CNTNAP4: variants seen among roughly 807,000 people sequenced by gnomAD.
CNTNAP4 encodes the protein contactin-associated protein-like 4.
A neutral mutation model predicts 148.4 loss-of-function variants in CNTNAP4; 98 were observed. The observed-to-expected ratio is 0.66, with a 90% CI of 0.56 to 0.78. The LOEUF (loss-of-function observed/expected upper bound fraction) is 0.78. Ranked by LOEUF, CNTNAP4 falls within the 30% of genes least tolerant of loss-of-function variation. CNTNAP4 has a pLI of 0.00. For synonymous variants in CNTNAP4, 730 were observed against 565.1 expected, an observed-to-expected ratio of 1.29 and a Z score of -4.14; for missense variants, 1,935 against 1,565.6, an observed-to-expected ratio of 1.24 and a Z score of -3.98.
intron 21 of CNTNAP4, among the ~76,000 whole-genome samples, chr16:76,541,998 A>G (rs2084480961): frequency 1.3e-5 from 2 of 152,232 alleles, no homozygotes; most frequent in Non-Finnish European, 2.9e-5. Context: ...ATATGTATAT[A>G]GCCAATAACA....
intron 10 of CNTNAP4, among the ~76,000 whole-genome samples, chr16:76,470,750 GTAATACTT>G (rs1480724767): frequency 2.6e-5 from 4 of 151,520 alleles, no homozygotes; most frequent in Middle Eastern, 3.2e-3. Flanking sequence ...AAAAAAAACT[GTAATACTT>G]TAAGTTGGCT....
intron 8 of CNTNAP4, among the ~76,000 whole-genome samples, chr16:76,459,421 C>T (rs201234468): frequency 1.3e-5 from 2 of 149,748 alleles, no homozygotes; most frequent in Admixed American, 6.7e-5. Context: ...TTACACAAAC[C>T]AAACCAGAGT....
At chr16:76,371,387 G>A (rs2144629738) in intron 3 of CNTNAP4, among the ~76,000 whole-genome samples, 1 of 152,270 alleles carries the variant, frequency 6.6e-6, no homozygotes, top group Non-Finnish European at 1.5e-5. Context: ...CCGGATTCAA[G>A]CGACTCTCCT....
At chr16:76,377,354 G>A (rs947658278) in intron 3 of CNTNAP4, among the ~76,000 whole-genome samples, 1 of 152,182 alleles carries the variant, frequency 6.6e-6, no homozygotes. Flanking sequence ...CCATCACAAA[G>A]ATGGAAAGTG....
Position 76,479,677 on chromosome 16 carries a change from T to C in CNTNAP4, c.1882+139T>C, listed in dbSNP as rs2081741221. ...TATTGTTCCTTAGAAAAACTGAACA[T>C]AAATCTTAAAAAAATAATTAAATGG... On this transcript the variant is annotated intron_variant, in intron 12 of 23. Coordinates refer to ENST00000611870, the MANE Select transcript of CNTNAP4 (RefSeq NM_033401.5). The C allele has an allele frequency of 3.7e-6, 3 of 821,454 alleles. No homozygotes were observed. The East Asian group carries it at 9.0e-5, about 25-fold the overall frequency. The allele number at this position is 821,454 out of a possible 1,614,324, so 50.9% of individuals were successfully genotyped here. A position where few individuals can be genotyped will look rare whatever the true frequency, so the allele number is the denominator to read the frequency against.
chr16:76,451,340 G>C (rs1391605229), intron 7 of CNTNAP4, among the ~76,000 whole-genome samples: 1 of 152,134 alleles, frequency 6.6e-6, no homozygotes, highest in African/African-American at 2.4e-5. Context: ...AGCTTTACCA[G>C]TTTGATAATA....
intron 21 of CNTNAP4, among the ~76,000 whole-genome samples, chr16:76,549,616 T>C (rs907365978): frequency 7.9e-5 from 12 of 152,084 alleles, no homozygotes; most frequent in African/African-American, 2.9e-4. Context: ...AAGAGTACTT[T>C]AAGGAGATTC....
chr16:76,329,315 G>C (rs905174255), intron 2 of CNTNAP4, among the ~76,000 whole-genome samples: 13 of 152,206 alleles, frequency 8.5e-5, no homozygotes, highest in African/African-American at 2.9e-4. Context: ...AGCTTGCTTT[G>C]TCTCTCTGGT....
At chr16:76,304,664 T>C (rs185462139) in intron 1 of CNTNAP4, among the ~76,000 whole-genome samples, 1 of 152,324 alleles carries the variant, frequency 6.6e-6, no homozygotes, top group East Asian at 1.9e-4. Context: ...TCTCAGAATG[T>C]GAGGTCTCAT....
chr16:76,553,117 T>C (rs2085030087), intron 21 of CNTNAP4, among the ~76,000 whole-genome samples, 166 bp from the exon 22 acceptor site: 1 of 152,208 alleles, frequency 6.6e-6, no homozygotes, highest in African/African-American at 2.4e-5. Flanking sequence ...ATCTTACCAA[T>C]AGTAGTGGAA....
chr16:76,516,037 C>T (rs371057365), intron 15 of CNTNAP4, among the ~76,000 whole-genome samples: 19 of 152,304 alleles, frequency 1.2e-4, no homozygotes, highest in African/African-American at 4.6e-4. Flanking sequence ...AACCCGTCAT[C>T]TAGGTTTTAA....
At chr16:76,354,361 C>T (rs2012281771) in intron 2 of CNTNAP4, among the ~76,000 whole-genome samples, 1 of 152,180 alleles carries the variant, frequency 6.6e-6, no homozygotes, top group Non-Finnish European at 1.5e-5. Flanking sequence ...TCAAATATAA[C>T]ACAGTAAATT....
intron 2 of CNTNAP4, among the ~76,000 whole-genome samples, chr16:76,334,698 A>C (rs74869111): frequency 0.011 from 1,702 of 152,240 alleles, 30 homozygotes; most frequent in African/African-American, 0.039. Flanking sequence ...ACAGTATGCT[A>C]TTTGCAAAAT....
chr16:76,527,735 A>G (rs1333419447), intron 17 of CNTNAP4, among the ~76,000 whole-genome samples: 1 of 152,194 alleles, frequency 6.6e-6, no homozygotes, highest in Non-Finnish European at 1.5e-5. Context: ...TAAATATAGT[A>G]GATTTGTCAC....
intron 2 of CNTNAP4, among the ~76,000 whole-genome samples, chr16:76,338,601 C>T (rs1964210729): frequency 6.6e-6 from 1 of 152,128 alleles, no homozygotes; most frequent in African/African-American, 2.4e-5. Flanking sequence ...GTGCTCATTC[C>T]ATTTCAGTCC....
At position 76,560,483 on chromosome 16, in the gene CNTNAP4, G is replaced by A. The variant is rs1413456437; in HGVS notation, c.*1800G>A. Reference sequence around the variant, plus strand: ...CAAGGGAAGGATTTAACATAGAAATGGCATTATTTATTCGATGCAAAGCTG... The same window carrying A: ...CAAGGGAAGGATTTAACATAGAAATAGCATTATTTATTCGATGCAAAGCTG... On this transcript the variant is annotated 3_prime_UTR_variant, in exon 24 of 24. Coordinates refer to ENST00000611870, the MANE Select transcript of CNTNAP4 (RefSeq NM_033401.5). Among the ~76,000 whole-genome samples the A allele has an allele frequency of 6.6e-6, 1 of 152,122 alleles. No individual in the cohort carries two copies. Among genetic ancestry groups the A allele is most frequent in the East Asian group, 1.9e-4 (1 of 5,198 alleles).
chr16:76,461,843 A>G (rs934564254), intron 8 of CNTNAP4, 113 bp from the exon 9 acceptor site: 3 of 788,770 alleles, frequency 3.8e-6, no homozygotes, highest in Non-Finnish European at 6.0e-6. Context: ...TTTTTAATTA[A>G]TAATAGAGTT....
intron 4 of CNTNAP4, among the ~76,000 whole-genome samples, chr16:76,436,989 C>CTATCTATTTATCTATT (rs144797032): frequency 1.3e-5 from 2 of 151,298 alleles, no homozygotes; most frequent in African/African-American, 4.9e-5. Context: ...ATCTATCTGT[C>CTATCTATTTATCTATT]TATCTAGGAG....
chr16:76,299,109 C>T (rs920207023), intron 1 of CNTNAP4, among the ~76,000 whole-genome samples: 25 of 152,256 alleles, frequency 1.6e-4, no homozygotes, highest in Non-Finnish European at 3.5e-4. Flanking sequence ...ATGTCTAAAA[C>T]ACCAAAAGCA....
Sources: allele counts gnomAD v4.1 joint callset (sites outside exome capture counted in the v4.1 genomes callset), GRCh38; gene constraint gnomAD v4.1.1; transcripts MANE v1.5; gene names NCBI Gene and HGNC (gene_info 2026-07-23, HGNC 2026-07-21).